The following PLXDC2 variants were observed in gnomAD, a reference collection of about 807,000 sequenced individuals.
PLXDC2 encodes plexin domain containing 2, also known as plexin domain-containing protein 2.
In PLXDC2, 40 loss-of-function variants were observed where a neutral mutation model predicts 68.9. The ratio of observed to expected loss-of-function variants is 0.58; its 90% CI spans 0.45 to 0.76. The LOEUF (loss-of-function observed/expected upper bound fraction) is 0.76, where lower values mean the gene tolerates loss of function less well. PLXDC2 is among the 30% of genes least tolerant of loss of function. PLXDC2 has a pLI of 0.00. For missense variants in PLXDC2, 644 were observed against 661.9 expected (o/e 0.97, Z 0.30); for synonymous variants, 243 against 234.2 (o/e 1.04, Z -0.34).
At chr10:20,144,726 G>A (rs16919939) in intron 5 of PLXDC2, among the ~76,000 whole-genome samples, 6,361 of 152,234 alleles carry the variant, frequency 0.042, 189 homozygotes, top group African/African-American at 0.076. Flanking sequence ...TGCCTTGGGA[G>A]TCTATCCTAC....
chr10:19,817,000 C>T lies in PLXDC2; in HGVS notation c.-80C>T. The T allele has an allele frequency of 9.5e-7, 1 of 1,054,966 alleles. No individual in the cohort carries two copies. The allele number at this position is 1,054,966 out of a possible 1,614,324, so 65.4% of individuals were successfully genotyped here. On this transcript the variant is annotated 5_prime_UTR_variant, in exon 1 of 14. Coordinates refer to ENST00000377252, the MANE Select transcript of PLXDC2 (RefSeq NM_032812.9). ...CCGAGACCGATCCGCAGCGTTTGGCCCGGTCGTGCCTATTGCATCGGGAGC... is the reference window on the plus strand; with the variant it reads ...CCGAGACCGATCCGCAGCGTTTGGCTCGGTCGTGCCTATTGCATCGGGAGC...
chr10:20,020,205 A>G (rs1357086351), intron 2 of PLXDC2, among the ~76,000 whole-genome samples: 8 of 81,780 alleles, frequency 9.8e-5, no homozygotes, highest in African/African-American at 3.9e-4. Flanking sequence ...TTTTTTGTAG[A>G]GAGGTTGTCT....
At chr10:20,046,236 T>C (rs1359752156) in intron 2 of PLXDC2, among the ~76,000 whole-genome samples, 1 of 152,060 alleles carries the variant, frequency 6.6e-6, no homozygotes, top group Non-Finnish European at 1.5e-5. Flanking sequence ...GGTGACAAAT[T>C]AGATCTTTGT....
intron 4 of PLXDC2, among the ~76,000 whole-genome samples, chr10:20,081,288 A>G (rs1000863884): frequency 6.6e-6 from 1 of 152,164 alleles, no homozygotes; most frequent in African/African-American, 2.4e-5. Flanking sequence ...AGGGAGGGGA[A>G]TAGGAAGCAG....
chr10:20,037,756 T>C (rs897228625), intron 2 of PLXDC2, among the ~76,000 whole-genome samples: 25 of 152,164 alleles, frequency 1.6e-4, no homozygotes. Context: ...TTCATGGCCA[T>C]ATAGCTCACC....
At position 19,828,615 on chromosome 10, in the gene PLXDC2, G is replaced by T. The variant is rs150590386; in HGVS notation, c.112+11424G>T. ...TCATTTCAGATATTTTTAAAAACAAGCAAGATTTAAAGTCATTCTGCACAT... is the reference window on the plus strand; with the variant it reads ...TCATTTCAGATATTTTTAAAAACAATCAAGATTTAAAGTCATTCTGCACAT... On this transcript the variant is annotated intron_variant, in intron 1 of 13. Coordinates refer to ENST00000377252, the MANE Select transcript of PLXDC2 (RefSeq NM_032812.9). Among the ~76,000 whole-genome samples the T allele has an allele frequency of 4.3e-4, 65 of 152,314 alleles. 1 individual carries two copies. The highest frequency in any genetic ancestry group is 1.5e-3 in the African/African-American group (64 of 41,570).
chr10:20,201,872 A>G (rs1268430392), intron 9 of PLXDC2, among the ~76,000 whole-genome samples: 4 of 152,138 alleles, frequency 2.6e-5, no homozygotes, highest in African/African-American at 9.6e-5. Flanking sequence ...TGAGTAATTC[A>G]TTGGTACAAG....
intron 9 of PLXDC2, among the ~76,000 whole-genome samples, chr10:20,178,449 C>T (rs573691193): frequency 1.3e-5 from 2 of 152,006 alleles, no homozygotes; most frequent in Admixed American, 6.6e-5. Context: ...ATGGTCCCTG[C>T]CCCCCATGAA....
intron 12 of PLXDC2, among the ~76,000 whole-genome samples, chr10:20,232,956 T>C (rs904614830): frequency 1.3e-5 from 2 of 152,228 alleles, no homozygotes; most frequent in Non-Finnish European, 2.9e-5. Flanking sequence ...GGCATAGTTT[T>C]TTTTTAAATT....
At chr10:19,980,578 G>C (rs1466995348) in intron 1 of PLXDC2, among the ~76,000 whole-genome samples, 1 of 152,062 alleles carries the variant, frequency 6.6e-6, no homozygotes, top group Admixed American at 6.5e-5. Context: ...CTTGGTTTGG[G>C]CCAGACATCT....
At chr10:19,917,969 G>C (rs1833398998) in intron 1 of PLXDC2, among the ~76,000 whole-genome samples, 1 of 152,122 alleles carries the variant, frequency 6.6e-6, no homozygotes, top group Non-Finnish European at 1.5e-5. Flanking sequence ...AGAACCCACT[G>C]TATTTCTCCT....
intron 1 of PLXDC2, among the ~76,000 whole-genome samples, chr10:19,986,897 A>T (rs188067733): frequency 4.3e-4 from 65 of 152,332 alleles, no homozygotes; most frequent in African/African-American, 1.5e-3. Flanking sequence ...GTGGGACTGG[A>T]GTTCAAGGCA....
intron 1 of PLXDC2, among the ~76,000 whole-genome samples, chr10:19,940,001 A>G (rs1833791369): frequency 6.6e-6 from 1 of 151,822 alleles, no homozygotes; most frequent in Admixed American, 6.6e-5. Context: ...TAATATGTCT[A>G]TTTACATGGA....
At chr10:19,993,203 A>AT in intron 1 of PLXDC2, among the ~76,000 whole-genome samples, 1 of 152,226 alleles carries the variant, frequency 6.6e-6, no homozygotes, top group East Asian at 1.9e-4. Context: ...TATTCTATTT[A>AT]TTTTTAATAC....
rs977117856 is a variant in PLXDC2, at chr10:20,288,426, G to A, written c.*8607G>A. On this transcript the variant is annotated 3_prime_UTR_variant, in exon 14 of 14. Coordinates refer to ENST00000377252, the MANE Select transcript of PLXDC2 (RefSeq NM_032812.9). ...TAAAATAACCAGCCCATACTTCTCG[G>A]TGACCTTCTGTTGAACGTACCTGAG... 6.6e-6 allele frequency: 1 copy of A among 151,842 alleles called. No homozygotes were observed. Among genetic ancestry groups the A allele is most frequent in the Non-Finnish European group, 1.5e-5 (1 of 67,968 alleles). 9.4% of individuals were successfully genotyped at this position (151,842 alleles called of 1,614,324 possible). A position where few individuals can be genotyped will look rare whatever the true frequency, so the allele number is the denominator to read the frequency against.
chr10:19,947,707 C>CTTTTTTTTTTTTTTTTTTTCTTTTTTTT (rs34439585), intron 1 of PLXDC2, among the ~76,000 whole-genome samples: 4 of 120,976 alleles, frequency 3.3e-5, no homozygotes, highest in Admixed American at 8.7e-5. Context: ...TTCTTTCTTT[C>CTTTTTTTTTTTTTTTTTTTCTTTTTTTT]TTTTTTTTTT....
At chr10:20,170,486 G>A (rs1220900245) in intron 7 of PLXDC2, among the ~76,000 whole-genome samples, 2 of 152,050 alleles carry the variant, frequency 1.3e-5, no homozygotes, top group Non-Finnish European at 2.9e-5. Context: ...CACCATGCCC[G>A]GCACAGGCAG....
At chr10:20,225,729 T>G (rs1835277328) in intron 12 of PLXDC2, among the ~76,000 whole-genome samples, 1 of 152,212 alleles carries the variant, frequency 6.6e-6, no homozygotes, top group South Asian at 2.1e-4. Context: ...GTTATTTTAT[T>G]ATTCCAACTT....
intron 2 of PLXDC2, among the ~76,000 whole-genome samples, chr10:20,017,038 C>G (rs1835223980): frequency 6.6e-6 from 1 of 152,180 alleles, no homozygotes; most frequent in Admixed American, 6.5e-5. Context: ...CTCTCCTAGG[C>G]AATCACAAAT....
Sources: allele counts gnomAD v4.1 joint callset (sites outside exome capture counted in the v4.1 genomes callset), GRCh38; gene constraint gnomAD v4.1.1; transcripts MANE v1.5; gene names NCBI Gene and HGNC (gene_info 2026-07-23, HGNC 2026-07-21).